The following PTPRT variants were observed in gnomAD, a reference collection of about 807,000 sequenced individuals.
PTPRT encodes the protein protein tyrosine phosphatase receptor type T.
A neutral mutation model predicts 176.8 loss-of-function variants in PTPRT; 56 were observed. The observed-to-expected ratio is 0.32, with a 90% CI of 0.26 to 0.40. The LOEUF is 0.40. Among genes scored for constraint, PTPRT ranks in the 10% least tolerant of loss-of-function variants. The pLI is 1.00. For synonymous variants in PTPRT, 783 were observed against 739.0 expected (o/e 1.06, Z -0.96); for missense variants, 1,540 against 1,908.2 (o/e 0.81, Z 3.60).
At chr20:42,559,338 A>G (rs150797002) in intron 7 of PTPRT, among the ~76,000 whole-genome samples, 1 of 152,230 alleles carries the variant, frequency 6.6e-6, no homozygotes, top group Non-Finnish European at 1.5e-5. Context: ...CAGGGAAGCA[A>G]GGCTAGATGG....
At chr20:42,260,366 G>T (rs1313380040) in intron 13 of PTPRT, among the ~76,000 whole-genome samples, 4 of 152,192 alleles carry the variant, frequency 2.6e-5, no homozygotes, top group African/African-American at 9.6e-5. Context: ...TGTGCTTTGA[G>T]CCTGGAGCTC....
chr20:42,328,044 G>A (rs943916378), intron 11 of PTPRT, among the ~76,000 whole-genome samples: 21 of 152,160 alleles, frequency 1.4e-4, no homozygotes, highest in African/African-American at 4.1e-4. Flanking sequence ...TCAAAATTCT[G>A]CACAAATGAA....
chr20:42,189,696 G>A (rs117062460), intron 16 of PTPRT, among the ~76,000 whole-genome samples: 18 of 152,260 alleles, frequency 1.2e-4, no homozygotes, highest in African/African-American at 2.4e-4. Flanking sequence ...TAGAACGGTC[G>A]TGTCCCTAAT....
intron 1 of PTPRT, among the ~76,000 whole-genome samples, chr20:43,025,566 T>G (rs750215862): frequency 3.9e-5 from 6 of 152,238 alleles, no homozygotes; most frequent in Non-Finnish European, 5.9e-5. Context: ...CAGGGTTCTG[T>G]AGCCTCTTGC....
chr20:42,831,856 T>C (rs2078094720), intron 2 of PTPRT, among the ~76,000 whole-genome samples: 1 of 152,170 alleles, frequency 6.6e-6, no homozygotes, highest in Non-Finnish European at 1.5e-5. Flanking sequence ...AGAATGGCTA[T>C]TATTAAAAGT....
At chr20:42,395,354 C>T (rs1027416053) in intron 9 of PTPRT, among the ~76,000 whole-genome samples, 3 of 152,288 alleles carry the variant, frequency 2.0e-5, no homozygotes, top group East Asian at 1.9e-4. Context: ...GGACCTATGC[C>T]GCATCTAAGA....
At position 42,265,745 on chromosome 20, in the gene PTPRT, T is replaced by C. The variant is rs538883023; in HGVS notation, c.2176+16744A>G. On this transcript the variant is annotated intron_variant, in intron 13 of 30. Coordinates refer to ENST00000373187, the MANE Select transcript of PTPRT (RefSeq NM_007050.6). ...TTGGAGGGTCACTGAAGCCTCAGGG[T>C]GTCCAAGCTCACAGGGCCCAGGGCA... is the stretch of plus-strand genomic sequence containing the variant. Among the ~76,000 whole-genome samples, 13 of 152,232 alleles carry C rather than the reference T, an allele frequency of 8.5e-5. No homozygotes were observed. The South Asian group carries it at 2.3e-3, about 27-fold the overall frequency.
intron 1 of PTPRT, among the ~76,000 whole-genome samples, chr20:43,019,982 G>A (rs1270095802): frequency 6.6e-6 from 1 of 151,716 alleles, no homozygotes; most frequent in Non-Finnish European, 1.5e-5. Context: ...TTCAGACGTG[G>A]ACCAATCCCT....
At chr20:42,289,772 G>A (rs971077558) in intron 12 of PTPRT, among the ~76,000 whole-genome samples, 52 of 152,064 alleles carry the variant, frequency 3.4e-4, no homozygotes, top group African/African-American at 1.2e-3. Context: ...CCACAGTTTC[G>A]TGCAGGAAAA....
rs547412029 is a variant in PTPRT at position 42,304,847 on chromosome 20, A to G, written c.2139+10876T>C. Among the ~76,000 whole-genome samples the G allele has an allele frequency of 2.6e-5, 4 of 152,324 alleles. No homozygotes were observed. The South Asian group carries it at 8.3e-4, about 32-fold the overall frequency. ...GGCTTCTTATACAAGGATATATGTGATAAATCACCCTCTTAGTGTCTTTCA... is the reference window on the plus strand; with the variant it reads ...GGCTTCTTATACAAGGATATATGTGGTAAATCACCCTCTTAGTGTCTTTCA... On this transcript the variant is annotated intron_variant, in intron 12 of 30. Coordinates refer to ENST00000373187, the MANE Select transcript of PTPRT (RefSeq NM_007050.6).
intron 5 of PTPRT, among the ~76,000 whole-genome samples, chr20:42,769,997 G>T (rs115028276): frequency 6.6e-6 from 1 of 152,164 alleles, no homozygotes; most frequent in South Asian, 2.1e-4. Flanking sequence ...ACATGGGGAC[G>T]GAACTTTGGA....
intron 13 of PTPRT, among the ~76,000 whole-genome samples, chr20:42,279,728 G>C (rs1163911834): frequency 1.3e-5 from 2 of 152,202 alleles, no homozygotes; most frequent in African/African-American, 2.4e-5. Flanking sequence ...TCTTGTGTAA[G>C]GGGTACTAGG....
chr20:42,904,535 G>T (rs73910609), intron 1 of PTPRT, among the ~76,000 whole-genome samples: 3 of 152,102 alleles, frequency 2.0e-5, no homozygotes, highest in African/African-American at 7.2e-5. Context: ...CAGTGGAAGA[G>T]GTGAAAACCT....
chr20:42,738,745 G>T (rs1012283700), intron 6 of PTPRT, among the ~76,000 whole-genome samples: 1 of 152,164 alleles, frequency 6.6e-6, no homozygotes, highest in Non-Finnish European at 1.5e-5. Flanking sequence ...AGATGGCACT[G>T]TCCAGGTGTA....
Position 42,161,352 on chromosome 20 carries a change from C to A in PTPRT, c.2682G>T (p.Glu894Asp). ...GQGYGFKEEY[E>D]ALPEGQTASW... ...GTTTCCCCACAGGCTGGTCTCTTAC[C>A]TCGTATTCCTCCTTGAACCCGTAGC... Residue 894 changes from glutamate to aspartate, a missense_variant and splice_region_variant, in exon 17 of 31, where the codon GAG (glutamate) becomes GAT (aspartate). Glu to Asp is a conservative substitution (Grantham distance 45, BLOSUM62 2). Transcript: ENST00000373187. 1 of 1,614,118 alleles carries A rather than the reference C, an allele frequency of 6.2e-7. No individual in the cohort carries two copies. The highest frequency in any genetic ancestry group is 1.1e-5 in the South Asian group (1 of 91,076).
chr20:42,785,988 C>G (rs1295237651), intron 3 of PTPRT, among the ~76,000 whole-genome samples: 2 of 152,154 alleles, frequency 1.3e-5, no homozygotes, highest in Non-Finnish European at 2.9e-5. Context: ...GTGATTGGAT[C>G]ATGGGGGTGG....
intron 7 of PTPRT, among the ~76,000 whole-genome samples, chr20:42,504,727 T>G (rs1229891603): frequency 6.6e-6 from 1 of 152,228 alleles, no homozygotes; most frequent in Non-Finnish European, 1.5e-5. Flanking sequence ...GAGTTTAGTT[T>G]AAGTACATTT....
chr20:42,938,645 T>A (rs1481480162), intron 1 of PTPRT, among the ~76,000 whole-genome samples: 2 of 152,028 alleles, frequency 1.3e-5, no homozygotes, highest in Admixed American at 6.6e-5. Flanking sequence ...TAATAAGGAG[T>A]TGTGCAGGGT....
chr20:42,171,113 T>A (rs989355695), intron 16 of PTPRT, among the ~76,000 whole-genome samples: 2 of 152,186 alleles, frequency 1.3e-5, no homozygotes, highest in Non-Finnish European at 2.9e-5. Flanking sequence ...AGTTTTTCAT[T>A]TGCGAAGCTA....
Sources: allele counts gnomAD v4.1 joint callset (sites outside exome capture counted in the v4.1 genomes callset), GRCh38; gene constraint gnomAD v4.1.1; transcripts MANE v1.5; gene names NCBI Gene and HGNC (gene_info 2026-07-23, HGNC 2026-07-21).